RCL1: variants seen among roughly 807,000 people sequenced by gnomAD.
The protein encoded by RCL1 is RNA 3'-terminal phosphate cyclase-like protein.
In RCL1, 24 loss-of-function variants were observed where a neutral mutation model predicts 42.4. That is an observed-to-expected ratio of 0.57 (90% confidence interval 0.41 to 0.80). The LOEUF is 0.80. Among genes scored for constraint, RCL1 ranks in the 30% least tolerant of loss-of-function variants. The pLI is 0.00. For missense variants in RCL1, 578 were observed against 467.9 expected (o/e 1.24, Z -2.17); for synonymous variants, 228 against 177.3 (o/e 1.29, Z -2.27).
At chr9:4,799,752 C>G (rs1047411712) in intron 1 of RCL1, among the ~76,000 whole-genome samples, 1 of 151,884 alleles carries the variant, frequency 6.6e-6, no homozygotes, top group African/African-American at 2.4e-5. Flanking sequence ...TGAATGAGTC[C>G]TGTATTTTTA....
chr9:4,850,495 T>C, intron 8 of RCL1: 6 of 191,686 alleles, frequency 3.1e-5, no homozygotes, highest in East Asian at 2.3e-4. Flanking sequence ...TTTTTTTTCT[T>C]TTTTTTTTTT....
rs538659884 is a variant in RCL1 at position 4,860,471 on chromosome 9, C to T, written c.*196C>T. On this transcript the variant is annotated 3_prime_UTR_variant, in exon 9 of 9. Transcript: ENST00000381750. Reference sequence around the variant, plus strand: ...CCAGCTGTTTCTCCAGTGGCATTGCCATTGCCCAGGAGGGGCCCAGTCACC... The same window carrying T: ...CCAGCTGTTTCTCCAGTGGCATTGCTATTGCCCAGGAGGGGCCCAGTCACC... The T allele has an allele frequency of 5.5e-5, 34 of 615,022 alleles. No homozygotes were observed. The highest frequency in any genetic ancestry group is 2.1e-4 in the African/African-American group (11 of 51,848). 38.1% of individuals were successfully genotyped at this position (615,022 alleles called of 1,614,324 possible). A position where few individuals can be genotyped will look rare whatever the true frequency, so the allele number is the denominator to read the frequency against.
chr9:4,844,491 A>C, intron 6 of RCL1, 34 bp from the exon 7 acceptor site: 1 of 1,569,794 alleles, frequency 6.4e-7, no homozygotes. Flanking sequence ...CACTTGGTTA[A>C]ACCTACTCAG....
chr9:4,844,422 A>G (rs1817438864), intron 6 of RCL1, 103 bp from the exon 7 acceptor site: 2 of 842,380 alleles, frequency 2.4e-6, no homozygotes, highest in South Asian at 3.6e-5. Context: ...GCCTTTGAAC[A>G]CAGTGCCGTC....
intron 8 of RCL1, among the ~76,000 whole-genome samples, chr9:4,850,022 A>C (rs1362725747): frequency 6.6e-6 from 1 of 152,198 alleles, no homozygotes; most frequent in Middle Eastern, 3.2e-3. Flanking sequence ...TGTAGAAGTG[A>C]GTTTGGATTG....
At chr9:4,806,038 G>T (rs563668640) in intron 1 of RCL1, among the ~76,000 whole-genome samples, 1 of 134,952 alleles carries the variant, frequency 7.4e-6, no homozygotes, top group Non-Finnish European at 1.6e-5. Context: ...GTGTGTGTGT[G>T]TGTGTGTTTG....
At chr9:4,814,354 G>A (rs1392249231) in intron 1 of RCL1, among the ~76,000 whole-genome samples, 1 of 152,060 alleles carries the variant, frequency 6.6e-6, no homozygotes, top group Non-Finnish European at 1.5e-5. Flanking sequence ...TACAAGCATA[G>A]TTTACTGCAA....
At chr9:4,850,393 G>A (rs775186093) in intron 8 of RCL1, 2 of 526,574 alleles carry the variant, frequency 3.8e-6, no homozygotes, top group Non-Finnish European at 7.9e-6. Context: ...CATTGAGAAA[G>A]GGTTGAGGAC....
chr9:4,851,008 A>C (rs75565599), intron 8 of RCL1, among the ~76,000 whole-genome samples: 6,156 of 152,046 alleles, frequency 0.04, 121 homozygotes, highest in African/African-American at 0.056. Flanking sequence ...GAATACATAT[A>C]TGTTTTTTTT....
chr9:4,808,009 A>G (rs1203497697), intron 1 of RCL1, among the ~76,000 whole-genome samples: 3 of 152,080 alleles, frequency 2.0e-5, no homozygotes, highest in African/African-American at 7.2e-5. Context: ...GACACTTAGA[A>G]CAAATATATG....
At chr9:4,839,288 G>T (rs1817236338) in intron 5 of RCL1, among the ~76,000 whole-genome samples, 1 of 152,182 alleles carries the variant, frequency 6.6e-6, no homozygotes, top group Non-Finnish European at 1.5e-5. Context: ...TGGGTGAGAG[G>T]AGGAAGATGC....
At chr9:4,820,719 C>T (rs1023148047) in intron 1 of RCL1, among the ~76,000 whole-genome samples, 2 of 152,114 alleles carry the variant, frequency 1.3e-5, no homozygotes, top group African/African-American at 2.4e-5. Context: ...CTGCAGAGCA[C>T]GTTAGATTTT....
At chr9:4,813,415 C>A (rs1452168491) in intron 1 of RCL1, among the ~76,000 whole-genome samples, 1 of 152,176 alleles carries the variant, frequency 6.6e-6, no homozygotes, top group South Asian at 2.1e-4. Flanking sequence ...GATATTTATG[C>A]AGCCAACAGA....
At chr9:4,832,644 C>CTT (rs1816977790) in intron 3 of RCL1, among the ~76,000 whole-genome samples, 1 of 151,698 alleles carries the variant, frequency 6.6e-6, no homozygotes, top group South Asian at 2.1e-4. Flanking sequence ...CCCGTCTCTA[C>CTT]TAAAAATACA....
chr9:4,812,779 C>A (rs1444858987), intron 1 of RCL1, among the ~76,000 whole-genome samples: 1 of 150,842 alleles, frequency 6.6e-6, no homozygotes, highest in African/African-American at 2.4e-5. Context: ...TTTTAGAGAG[C>A]TTTCACTTCC....
chr9:4,800,711 G>C (rs997057313), intron 1 of RCL1, among the ~76,000 whole-genome samples: 1 of 145,294 alleles, frequency 6.9e-6, no homozygotes, highest in Non-Finnish European at 1.5e-5. Flanking sequence ...GGAATGCAGT[G>C]ATGTGATCTT....
intron 5 of RCL1, among the ~76,000 whole-genome samples, chr9:4,834,980 A>G (rs931170230): frequency 5.3e-5 from 8 of 152,316 alleles, no homozygotes; most frequent in Admixed American, 3.3e-4. Context: ...ACTTTTGCCT[A>G]TAGAAAGGAG....
At chr9:4,801,372 A>G (rs1028825428) in intron 1 of RCL1, among the ~76,000 whole-genome samples, 7 of 151,914 alleles carry the variant, frequency 4.6e-5, no homozygotes, top group Non-Finnish European at 1.0e-4. Flanking sequence ...GAGTCTCGCT[A>G]TGTTGTCCAG....
chr9:4,848,630 A>T (rs295254), intron 7 of RCL1, among the ~76,000 whole-genome samples: 2 of 152,064 alleles, frequency 1.3e-5, no homozygotes, highest in Non-Finnish European at 2.9e-5. Context: ...AAGTTATTCC[A>T]GAAAGAATGA....
Sources: gnomAD v4.1 joint callset for allele counts (sites outside exome capture counted in the v4.1 genomes callset) on GRCh38, gnomAD v4.1.1 for gene constraint, MANE v1.5 for transcripts, NCBI Gene and HGNC (gene_info 2026-07-23, HGNC 2026-07-21) for gene names.